The following KLF17 variants were observed in gnomAD, a reference collection of about 807,000 sequenced individuals.
The protein encoded by KLF17 is KLF transcription factor 17.
In KLF17, 31 loss-of-function variants were observed where a neutral mutation model predicts 34.2. That is an observed-to-expected ratio of 0.91 (90% CI 0.68 to 1.22). The LOEUF (loss-of-function observed/expected upper bound fraction) is 1.22, where lower values mean the gene tolerates loss of function less well. Among genes scored for constraint, KLF17 ranks in the 50% most tolerant of loss-of-function variants. The pLI is 0.00. For synonymous variants in KLF17, 179 were observed against 186.7 expected, an observed-to-expected ratio of 0.96 and a Z score of 0.34; for missense variants, 478 against 505.2, an observed-to-expected ratio of 0.95 and a Z score of 0.52.
intron 1 of KLF17, among the ~76,000 whole-genome samples, chr1:44,127,311 AAACCTGTG>A (rs2088020035): frequency 6.6e-6 from 1 of 152,150 alleles, no homozygotes; most frequent in African/African-American, 2.4e-5. Flanking sequence ...TTACAAAGTA[AAACCTGTG>A]AAACTGTCAC....
the KLF17 span, among the ~76,000 whole-genome samples, chr1:44,092,634 C>CT: frequency 9.9e-4 from 143 of 144,182 alleles, 2 homozygotes; most frequent in South Asian, 8.5e-3. Context: ...CACTCTTTAG[C>CT]TTTTTTTTTT....
At chr1:44,126,734 T>G (rs2088011964) in intron 1 of KLF17, among the ~76,000 whole-genome samples, 1 of 152,134 alleles carries the variant, frequency 6.6e-6, no homozygotes, top group Admixed American at 6.5e-5. Context: ...GTCTAACTTT[T>G]AGCAAGGAAT....
chr1:44,090,306 C>CAAAAAAAAAAAAAAAAA, the KLF17 span, among the ~76,000 whole-genome samples: 9 of 23,416 alleles, frequency 3.8e-4, 1 homozygote, highest in African/African-American at 7.7e-4. Context: ...CTTGTCTCTA[C>CAAAAAAAAAAAAAAAAA]AAAAAAAAAA....
chr1:44,074,589 G>A, the KLF17 span, among the ~76,000 whole-genome samples: 2 of 152,194 alleles, frequency 1.3e-5, no homozygotes, highest in Non-Finnish European at 2.9e-5. Flanking sequence ...GAAAGACAGA[G>A]GGAACTGCTT....
At chr1:44,114,881 T>C (rs540874991), upstream of KLF17, 12 of 152,374 alleles carry the variant, frequency 7.9e-5, no homozygotes, top group African/African-American at 2.9e-4. Flanking sequence ...TAACACATTT[T>C]TATTAGCGAT....
the KLF17 span, chr1:44,104,428 T>C: frequency 1.2e-6 from 1 of 849,190 alleles, no homozygotes; most frequent in Non-Finnish European, 2.0e-6. Context: ...TGAATCTTGT[T>C]CTGCTGCCCC....
At chr1:44,103,782 TC>T in the KLF17 span, 2 of 978,676 alleles carry the variant, frequency 2.0e-6, no homozygotes, top group Non-Finnish European at 3.3e-6. Flanking sequence ...GATGGCGGCC[TC>T]CAGGGAAGCC....
chr1:44,079,688 T>G, the KLF17 span, among the ~76,000 whole-genome samples: 1 of 152,114 alleles, frequency 6.6e-6, no homozygotes. Context: ...GACAAATCAG[T>G]CAGATTTAAT....
intron 1 of KLF17, among the ~76,000 whole-genome samples, chr1:44,123,277 G>T (rs564499191): frequency 2.4e-4 from 37 of 152,184 alleles, no homozygotes; most frequent in African/African-American, 8.2e-4. Flanking sequence ...GCCCTGGCTG[G>T]TCTCGAACTC....
the KLF17 span, among the ~76,000 whole-genome samples, chr1:44,074,288 C>T: frequency 0.07 from 10,644 of 151,998 alleles, 367 homozygotes; most frequent in Non-Finnish European, 0.082. Flanking sequence ...CCCCTAATTC[C>T]CCTTCTAACT....
At chr1:44,105,827 G>A in the KLF17 span, among the ~76,000 whole-genome samples, 3 of 152,042 alleles carry the variant, frequency 2.0e-5, no homozygotes, top group African/African-American at 4.8e-5. Context: ...GCTGGTTCAC[G>A]GAACCCCACT....
At chr1:44,127,868 C>CT (rs553888687) in intron 1 of KLF17, among the ~76,000 whole-genome samples, 18 of 100,534 alleles carry the variant, frequency 1.8e-4, no homozygotes, top group South Asian at 3.4e-4. Context: ...TTTCGGGTGA[C>CT]TTTTTTTTTT....
chr1:44,051,929 G>A, the KLF17 span, among the ~76,000 whole-genome samples: 2 of 152,052 alleles, frequency 1.3e-5, no homozygotes, highest in African/African-American at 4.8e-5. Flanking sequence ...TTCAGCATTG[G>A]TATTGCTGAA....
chr1:44,083,165 C>T, the KLF17 span, among the ~76,000 whole-genome samples: 10 of 151,800 alleles, frequency 6.6e-5, no homozygotes, highest in Non-Finnish European at 1.2e-4. Flanking sequence ...CCAGGCTGGG[C>T]TCAAACTCCT....
At chr1:44,120,732 G>A (rs569580618) in intron 1 of KLF17, among the ~76,000 whole-genome samples, 77 of 152,282 alleles carry the variant, frequency 5.1e-4, no homozygotes, top group African/African-American at 1.7e-3. Context: ...GGGAGGAGAG[G>A]CTGAGCACCC....
chr1:44,086,280 A>T, the KLF17 span, among the ~76,000 whole-genome samples: 3 of 152,172 alleles, frequency 2.0e-5, no homozygotes, highest in Non-Finnish European at 4.4e-5. Context: ...CAGGCTGAGC[A>T]ACATGGAGAA....
chr1:44,127,630 T>TTTCTTTTCTTTC (rs1491542303), intron 1 of KLF17, among the ~76,000 whole-genome samples: 22 of 45,926 alleles, frequency 4.8e-4, no homozygotes, highest in African/African-American at 1.4e-3. Flanking sequence ...TTTTCTTTTC[T>TTTCTTTTCTTTC]TTTCTTTCCT....
At chr1:44,118,444 TGA>T (rs2087903715), upstream of KLF17, among the ~76,000 whole-genome samples, 1 of 152,134 alleles carries the variant, frequency 6.6e-6, no homozygotes, top group South Asian at 2.1e-4. Flanking sequence ...GATCCCGACC[TGA>T]GAGAGTGCTG....
chr1:44,108,990 A>G, the KLF17 span, among the ~76,000 whole-genome samples: 1 of 152,122 alleles, frequency 6.6e-6, no homozygotes, highest in Non-Finnish European at 1.5e-5. Flanking sequence ...TGTATGACAG[A>G]TTGTTTATTT....
Sources: allele counts gnomAD v4.1 joint callset (sites outside exome capture counted in the v4.1 genomes callset), GRCh38; gene constraint gnomAD v4.1.1; transcripts MANE v1.5; gene names NCBI Gene and HGNC (gene_info 2026-07-23, HGNC 2026-07-21).